The following COMT variants were observed in gnomAD, a reference collection of about 807,000 sequenced individuals.
COMT encodes catechol O-methyltransferase.
A neutral mutation model predicts 18.9 loss-of-function variants in COMT; 13 were observed. That is an observed-to-expected ratio of 0.69 (90% CI 0.45 to 1.09). The LOEUF (loss-of-function observed/expected upper bound fraction) is 1.09. COMT is among the 50% of genes least tolerant of loss of function. COMT has a pLI of 0.00. For missense variants in COMT, 329 were observed against 361.8 expected (o/e 0.91, Z 0.73); for synonymous variants, 150 against 160.9 (o/e 0.93, Z 0.51).
intron 5 of COMT, among the ~76,000 whole-genome samples, chr22:19,968,149 C>G (rs1351190134): frequency 2.6e-5 from 4 of 152,212 alleles, no homozygotes; most frequent in African/African-American, 4.8e-5. Flanking sequence ...CCAGCAACCC[C>G]TCTCCTTGGG....
chr22:19,954,179 C>T (rs1942009744), intron 1 of COMT, among the ~76,000 whole-genome samples: 2 of 145,582 alleles, frequency 1.4e-5, no homozygotes, highest in South Asian at 4.3e-4. Context: ...GGTGTGCAGT[C>T]CGTGTGAAAG....
At chr22:19,956,137 C>CTTTTTTTTTT (rs71186638) in intron 1 of COMT, among the ~76,000 whole-genome samples, 25 of 84,816 alleles carry the variant, frequency 2.9e-4, no homozygotes, top group African/African-American at 3.9e-4. Context: ...TTCTTTTTTT[C>CTTTTTTTTTT]TTTTTTTTTT....
chr22:19,945,855 T>C (rs1470413119), intron 1 of COMT, among the ~76,000 whole-genome samples: 1 of 152,108 alleles, frequency 6.6e-6, no homozygotes, highest in Non-Finnish European at 1.5e-5. Context: ...TTAGTAGAGA[T>C]GGGGTTTCAC....
chr22:19,957,656 G>A (rs1032115142), intron 1 of COMT, among the ~76,000 whole-genome samples: 7 of 152,258 alleles, frequency 4.6e-5, no homozygotes, highest in East Asian at 1.9e-4. Flanking sequence ...GCCCTCACAC[G>A]TGCATCTGCA....
intron 5 of COMT, chr22:19,967,298 G>T: frequency 9.4e-7 from 1 of 1,068,154 alleles, no homozygotes; most frequent in Non-Finnish European, 1.3e-6. Flanking sequence ...CCCTGGCCCA[G>T]ACTGGAAGGC....
At chr22:19,966,989 C>T (rs2084459106) in intron 5 of COMT, 3 of 985,322 alleles carry the variant, frequency 3.0e-6, no homozygotes, top group Admixed American at 6.1e-5. Context: ...GCCAGTTCTC[C>T]AGGTGGTCTG....
At chr22:19,966,897 A>G in intron 5 of COMT, 3 of 974,070 alleles carry the variant, frequency 3.1e-6, no homozygotes, top group Non-Finnish European at 3.7e-6. Flanking sequence ...CCACCTCAGC[A>G]TAGTGTCACC....
intron 1 of COMT, among the ~76,000 whole-genome samples, chr22:19,957,862 T>G (rs1942098944): frequency 6.6e-6 from 1 of 152,242 alleles, no homozygotes; most frequent in Non-Finnish European, 1.5e-5. Context: ...GAACCGTGAA[T>G]TCATCTGTAC....
At position 19,941,858 on chromosome 22, in the gene COMT, C is replaced by T. The variant is rs997497287; in HGVS notation, c.-131C>T. 3.4e-5 allele frequency: 50 copies of T among 1,457,824 alleles called. 1 individual carries two copies. Among genetic ancestry groups the T allele is most frequent in the Non-Finnish European group, 4.4e-5 (49 of 1,113,092 alleles). 90.3% of individuals were successfully genotyped at this position (1,457,824 alleles called of 1,614,324 possible). On this transcript the variant is annotated 5_prime_UTR_variant, in exon 1 of 6. Transcript: ENST00000361682. ...TGCCCGCCGCGCTGCCTGCGCCGGACCGGGGCGGGTCCAGTCCCGGGCGGG... is the reference window on the plus strand; with the variant it reads ...TGCCCGCCGCGCTGCCTGCGCCGGATCGGGGCGGGTCCAGTCCCGGGCGGG...
At chr22:19,946,094 C>A (rs1941831363) in intron 1 of COMT, among the ~76,000 whole-genome samples, 1 of 152,168 alleles carries the variant, frequency 6.6e-6, no homozygotes, top group African/African-American at 2.4e-5. Flanking sequence ...GTACTGAATT[C>A]TTGTTCTGCT....
intron 1 of COMT, among the ~76,000 whole-genome samples, chr22:19,952,223 C>T (rs190825765): frequency 6.6e-6 from 1 of 152,352 alleles, no homozygotes; most frequent in East Asian, 1.9e-4. Context: ...AGGAGGACTG[C>T]TGGAGCCCAA....
chr22:19,966,185 T>G (rs939684402), intron 5 of COMT, among the ~76,000 whole-genome samples: 2 of 152,188 alleles, frequency 1.3e-5, no homozygotes, highest in Non-Finnish European at 2.9e-5. Flanking sequence ...GTGTCCTTGT[T>G]AAACGCACAT....
At chr22:19,949,340 C>G (rs910560206) in intron 1 of COMT, among the ~76,000 whole-genome samples, 5 of 152,140 alleles carry the variant, frequency 3.3e-5, no homozygotes, top group Non-Finnish European at 7.3e-5. Context: ...AGGGTTTCAT[C>G]ATGTTTCCCA....
chr22:19,955,418 G>A (rs956285825), intron 1 of COMT, among the ~76,000 whole-genome samples: 3 of 152,212 alleles, frequency 2.0e-5, no homozygotes, highest in African/African-American at 7.2e-5. Flanking sequence ...TTACTGGATC[G>A]CAGTCGAATC....
intron 5 of COMT, chr22:19,967,235 T>C: frequency 7.7e-7 from 1 of 1,301,666 alleles, no homozygotes; most frequent in South Asian, 1.2e-5. Context: ...GGCTCCTGAG[T>C]CCCCTGGCGC....
chr22:19,945,416 G>A (rs1569123996), intron 1 of COMT, among the ~76,000 whole-genome samples: 2 of 152,094 alleles, frequency 1.3e-5, no homozygotes, highest in East Asian at 1.9e-4. Flanking sequence ...CCTCAAACAG[G>A]ACATTCCAGT....
Position 19,969,454 on chromosome 22 carries a change from T to C in COMT, c.*718T>C, listed in dbSNP as rs1942618207. On this transcript the variant is annotated 3_prime_UTR_variant, in exon 6 of 6. Transcript: ENST00000361682. Reference sequence around the variant, plus strand: ...GCTCAGACCAGCTCCCGCATCCCTGTAGTTGCCTCCCTGGCCCATGAGTGA... The same window carrying C: ...GCTCAGACCAGCTCCCGCATCCCTGCAGTTGCCTCCCTGGCCCATGAGTGA... The C allele has an allele frequency of 6.6e-6, 1 of 152,368 alleles. No individual in the cohort carries two copies. The highest frequency in any genetic ancestry group is 1.5e-5 in the Non-Finnish European group (1 of 68,196). 9.4% of individuals were successfully genotyped at this position (152,368 alleles called of 1,614,324 possible). A position where few individuals can be genotyped will look rare whatever the true frequency, so the allele number is the denominator to read the frequency against.
intron 5 of COMT, 176 bp downstream of exon 5, chr22:19,964,475 G>A (rs989127063): frequency 6.3e-6 from 6 of 949,482 alleles, no homozygotes; most frequent in Non-Finnish European, 8.2e-6. Context: ...TGTGGTGGGT[G>A]GAGATGGGTG....
intron 1 of COMT, among the ~76,000 whole-genome samples, chr22:19,956,898 T>C (rs1188499080): frequency 6.6e-6 from 1 of 152,050 alleles, no homozygotes; most frequent in East Asian, 1.9e-4. Context: ...AAAGGATTTT[T>C]AAGAGTCTCA....
Sources: gnomAD v4.1 joint callset for allele counts (sites outside exome capture counted in the v4.1 genomes callset) on GRCh38, gnomAD v4.1.1 for gene constraint, MANE v1.5 for transcripts, NCBI Gene and HGNC (gene_info 2026-07-23, HGNC 2026-07-21) for gene names.